ZNF154: variants seen among roughly 807,000 people sequenced by gnomAD.
The protein encoded by ZNF154 is zinc finger protein 154 (pHZ-92).
ZNF154 carries 6 observed loss-of-function variants against 7.5 expected under a neutral mutation model. The ratio of observed to expected loss-of-function variants is 0.80; its 90% CI spans 0.44 to 1.57. ZNF154 has a LOEUF of 1.57. Among genes scored for constraint, ZNF154 ranks in the 40% most tolerant of loss-of-function variants. ZNF154 has a pLI of 0.01. For missense variants in ZNF154, 485 were observed against 531.4 expected (o/e 0.91, Z 0.86); for synonymous variants, 187 against 185.9 (o/e 1.01, Z -0.05).
rs915436544 is a variant in ZNF154, at chr19:57,696,648, T to C, written c.*4987A>G. 1.3e-5 allele frequency among the ~76,000 whole-genome samples: 2 copies of C among 152,062 alleles called. No homozygotes were observed. Among genetic ancestry groups the C allele is most frequent in the African/African-American group, 2.4e-5 (1 of 41,408 alleles). On this transcript the variant is annotated 3_prime_UTR_variant, in exon 3 of 3. Coordinates refer to ENST00000684351, the MANE Select transcript of ZNF154 (RefSeq NM_001085384.3). ...TAACTTGCAGGGGGAGGCCAGAGCA[T>C]GAAGGCAGAGGGAGGTTTTGGGTGC...
chr19:57,702,871 G>C, intron 2 of ZNF154, 83 bp from the exon 3 acceptor site: 1 of 1,353,438 alleles, frequency 7.4e-7, no homozygotes, highest in South Asian at 1.4e-5. Flanking sequence ...GCCCAGCCAA[G>C]AGCAAAATGT....
intron 2 of ZNF154, among the ~76,000 whole-genome samples, chr19:57,703,634 C>T (rs552758958): frequency 2.0e-5 from 3 of 152,056 alleles, no homozygotes; most frequent in African/African-American, 7.2e-5. Flanking sequence ...CTGCTGGCGA[C>T]ACATGAGTGC....
At position 57,701,532 on chromosome 19, in the gene ZNF154, A is replaced by T; in HGVS notation, c.*103T>A. The T allele has an allele frequency of 7.9e-7, 1 of 1,270,262 alleles. No homozygotes were observed. The highest frequency in any genetic ancestry group is 2.8e-4 in the Middle Eastern group (1 of 3,618). The allele number at this position is 1,270,262 out of a possible 1,614,324, so 78.7% of individuals were successfully genotyped here. On this transcript the variant is annotated 3_prime_UTR_variant, in exon 3 of 3. Coordinates refer to ENST00000684351, the MANE Select transcript of ZNF154 (RefSeq NM_001085384.3). ...TCCCTTGTGAACTGTGTGGCACTCA[A>T]TGAGATATGGCCTTCAGCTGAAGCT... is the stretch of plus-strand genomic sequence containing the variant.
In ZNF154 at chr19:57,701,917, G is replaced by A. The variant is rs1416386027; in HGVS notation, c.1032C>T (p.Leu344=). The A allele has an allele frequency of 6.2e-7, 1 of 1,613,538 alleles. No individual in the cohort carries two copies. Among genetic ancestry groups the A allele is most frequent in the Admixed American group, 1.7e-5 (1 of 59,960 alleles). ...CGKSFSQRSA[L]LQHRGVHTGE... ...CAGTGTGAACTCCCCGATGTTGAAG[G>A]AGTGCAGACCTTTGGCTAAAGGATT... The change falls in exon 3 of 3, where the codon CTC becomes CTT. Residue 344 remains leucine, a synonymous_variant. Coordinates refer to ENST00000684351, the MANE Select transcript of ZNF154 (RefSeq NM_001085384.3).
At chr19:57,706,887 G>A (rs879696353) in intron 1 of ZNF154, among the ~76,000 whole-genome samples, 4 of 152,178 alleles carry the variant, frequency 2.6e-5, no homozygotes, top group African/African-American at 2.4e-5. Context: ...TGAGGCGGGT[G>A]GATCACCTGA....
Position 57,702,386 on chromosome 19 carries a change from G to A in ZNF154, c.563C>T (p.Pro188Leu), listed in dbSNP as rs1420403434. 3 of 1,612,826 alleles carry A rather than the reference G, an allele frequency of 1.9e-6. No homozygotes were observed. Among genetic ancestry groups the A allele is most frequent in the African/African-American group, 1.3e-5 (1 of 75,010 alleles). ...DHWRLHTGEKPYECRECGKSF... is the reference protein window; with the variant it reads ...DHWRLHTGEKLYECRECGKSF... The stretch of plus-strand genomic sequence containing the variant: ...CTTCCCACACTCTCGACATTCATAA[G>A]GCTTTTCTCCAGTGTGAAGTCTCCA... Residue 188 changes from proline to leucine, a missense_variant, in exon 3 of 3, where the codon CCT becomes CTT. Coordinates refer to ENST00000684351, the MANE Select transcript of ZNF154 (RefSeq NM_001085384.3).
rs1321100252 is a variant in ZNF154 at position 57,701,943 on chromosome 19, T to C, written c.1006A>G (p.Lys336Glu). The change falls in exon 3 of 3, where the codon AAA (lysine) becomes GAA (glutamate). Residue 336 changes from lysine (K) to glutamate (E), a missense_variant. By Grantham distance (56) the Lys-to-Glu change is moderately conservative (BLOSUM62 1). Transcript: ENST00000684351. ...AGTGCAGACCTTTGGCTAAAGGATT[T>C]CCCACATTCGCTGCACTTATAAGGC... is the stretch of plus-strand genomic sequence containing the variant. ...ERPYKCSECGKSFSQRSALLQ... is the reference protein window; with the variant it reads ...ERPYKCSECGESFSQRSALLQ... 5 of 1,612,912 alleles carry C rather than the reference T, an allele frequency of 3.1e-6. No homozygotes were observed. The African/African-American group carries it at 6.7e-5, about 22-fold the overall frequency.
chr19:57,707,850 A>G (rs1985452676), intron 1 of ZNF154, among the ~76,000 whole-genome samples: 1 of 152,172 alleles, frequency 6.6e-6, no homozygotes, highest in Non-Finnish European at 1.5e-5. Context: ...ACCTCAGTAT[A>G]ACCCCTGTAA....
intron 2 of ZNF154, among the ~76,000 whole-genome samples, chr19:57,703,088 C>T (rs2122395336): frequency 6.6e-6 from 1 of 152,276 alleles, no homozygotes; most frequent in East Asian, 1.9e-4. Context: ...AGCCCTTATA[C>T]AAGTGTGTGT....
At position 57,698,448 on chromosome 19, in the gene ZNF154, T is replaced by C; in HGVS notation, c.*3187A>G. On this transcript the variant is annotated 3_prime_UTR_variant, in exon 3 of 3. Coordinates refer to ENST00000684351, the MANE Select transcript of ZNF154 (RefSeq NM_001085384.3). ...ATCAGTATGGTAGAAACAGAATATA[T>C]TAGGATGCTATCAGCAACTCTTCCC... is the stretch of plus-strand genomic sequence containing the variant. 6.6e-6 allele frequency: 1 copy of C among 152,180 alleles called. No individual in the cohort carries two copies. The highest frequency in any genetic ancestry group is 1.9e-4 in the East Asian group (1 of 5,198). 9.4% of individuals were successfully genotyped at this position (152,180 alleles called of 1,614,324 possible). A position where few individuals can be genotyped will look rare whatever the true frequency, so the allele number is the denominator to read the frequency against.
chr19:57,702,728 G>C lies in ZNF154; in HGVS notation c.221C>G (p.Ala74Gly), dbSNP rs767078067. The C allele has an allele frequency of 6.2e-7, 1 of 1,608,416 alleles. No homozygotes were observed. Among genetic ancestry groups the C allele is most frequent in the Non-Finnish European group, 8.5e-7 (1 of 1,175,466 alleles). The change falls in exon 3 of 3, where the codon GCC (alanine) becomes GGC (glycine). Residue 74 changes from alanine (A) to glycine (G), a missense_variant. Ala to Gly is a moderately conservative substitution (Grantham distance 60, BLOSUM62 0). Transcript: ENST00000684351. ...GAATGTGCAGGTCTTCACAAACAAG[G>C]CTCTGCCCACATTGCTTCTGAAATG... The part of the protein sequence containing the change: ...EKHFRSNVGR[A>G]LFVKTCTFHV...
At position 57,701,706 on chromosome 19, in the gene ZNF154, A is replaced by T; in HGVS notation, c.1243T>A (p.Cys415Ser). The change falls in exon 3 of 3, where the codon TGC becomes AGC. Residue 415 changes from cysteine (C) to serine (S), a missense_variant. Coordinates refer to ENST00000684351, the MANE Select transcript of ZNF154 (RefSeq NM_001085384.3). ...RVHTGEKPYECTECGKSFSHN... is the reference protein window; with the variant it reads ...RVHTGEKPYESTECGKSFSHN... ...CTAAAGGATTTCCCACATTCCGTGC[A>T]CTCATAAGGCTTCTCCCCAGTGTGA... 1 of 1,614,144 alleles carries T rather than the reference A, an allele frequency of 6.2e-7. No individual in the cohort carries two copies.
At position 57,701,433 on chromosome 19, in the gene ZNF154, G is replaced by C; in HGVS notation, c.*202C>G. The C allele has an allele frequency of 1.6e-6, 1 of 610,714 alleles. No individual in the cohort carries two copies. Among genetic ancestry groups the C allele is most frequent in the East Asian group, 2.8e-5 (1 of 35,882 alleles). The allele number at this position is 610,714 out of a possible 1,614,324, so 37.8% of individuals were successfully genotyped here. On this transcript the variant is annotated 3_prime_UTR_variant, in exon 3 of 3. Coordinates refer to ENST00000684351, the MANE Select transcript of ZNF154 (RefSeq NM_001085384.3). ...AGATATAGGATGTTCAATTCAGGCT[G>C]ATGCCACCCTCATAAGGGATCTCCT...
In ZNF154 at chr19:57,698,486, A is replaced by G. The variant is rs1020328899; in HGVS notation, c.*3149T>C. On this transcript the variant is annotated 3_prime_UTR_variant, in exon 3 of 3. Transcript: ENST00000684351. ...AGCAACTCTTCCCAATTCTACATTC[A>G]GTAACATGTTGGCAGTTTCAAAATT... 1.4e-4 allele frequency: 21 copies of G among 152,208 alleles called. No homozygotes were observed. The highest frequency in any genetic ancestry group is 2.4e-4 in the Non-Finnish European group (16 of 68,040). The allele number at this position is 152,208 out of a possible 1,614,324, so 9.4% of individuals were successfully genotyped here. A position where few individuals can be genotyped will look rare whatever the true frequency, so the allele number is the denominator to read the frequency against.
Position 57,704,848 on chromosome 19 carries a change from CT to C in ZNF154, c.160+4del, listed in dbSNP as rs1985319555. ...AGGGCACAGGAAAGGGTAAAAGAACCTTACCTAGAGAGGTTAAAAGAGCCAA... is the reference window on the plus strand; with the variant it reads ...AGGGCACAGGAAAGGGTAAAAGAACCTACCTAGAGAGGTTAAAAGAGCCAA... On this transcript the variant is annotated splice_donor_region_variant and intron_variant, in intron 2 of 2. Coordinates refer to ENST00000684351, the MANE Select transcript of ZNF154 (RefSeq NM_001085384.3). The C allele has an allele frequency of 6.2e-7, 1 of 1,609,168 alleles. No individual in the cohort carries two copies. Among genetic ancestry groups the C allele is most frequent in the Non-Finnish European group, 8.5e-7 (1 of 1,178,582 alleles).
rs1985519015 is a variant in ZNF154 at position 57,709,009 on chromosome 19, C to T, written c.-38G>A. 1 of 1,552,714 alleles carries T rather than the reference C, an allele frequency of 6.4e-7. No homozygotes were observed. The highest frequency in any genetic ancestry group is 8.7e-7 in the Non-Finnish European group (1 of 1,148,602). ...GTAGAGCTGGGCCGGGAGCGACGGG[C>T]GACATTGGTAGGGACCCGGGGACAG... On this transcript the variant is annotated 5_prime_UTR_variant, in exon 1 of 3. Coordinates refer to ENST00000684351, the MANE Select transcript of ZNF154 (RefSeq NM_001085384.3).
At position 57,701,729 on chromosome 19, in the gene ZNF154, T is replaced by A. The variant is rs1366342463; in HGVS notation, c.1220A>T (p.His407Leu). The change falls in exon 3 of 3, where the codon CAC (histidine) becomes CTC (leucine). Residue 407 changes from histidine to leucine, a missense_variant. Coordinates refer to ENST00000684351, the MANE Select transcript of ZNF154 (RefSeq NM_001085384.3). ...GCACTCATAAGGCTTCTCCCCAGTGTGAACCCTCCTGTGCTTAATGAGGCC... is the reference window on the plus strand; with the variant it reads ...GCACTCATAAGGCTTCTCCCCAGTGAGAACCCTCCTGTGCTTAATGAGGCC... ...NSGLIKHRRV[H>L]TGEKPYECTE... 1 of 1,614,050 alleles carries A rather than the reference T, an allele frequency of 6.2e-7. No homozygotes were observed. The highest frequency in any genetic ancestry group is 8.5e-7 in the Non-Finnish European group (1 of 1,180,000).
chr19:57,700,719 T>C lies in ZNF154; in HGVS notation c.*916A>G, dbSNP rs1411816969. ...TAACTGCTGCCTCCTCAGGCTGACC[T>C]CTATGGCATCCAGGATATAAATTAG... is the stretch of plus-strand genomic sequence containing the variant. On this transcript the variant is annotated 3_prime_UTR_variant, in exon 3 of 3. Transcript: ENST00000684351. 1 of 152,238 alleles carries C rather than the reference T, an allele frequency of 6.6e-6. No homozygotes were observed. The highest frequency in any genetic ancestry group is 1.5e-5 in the Non-Finnish European group (1 of 68,030). 9.4% of individuals were successfully genotyped at this position (152,238 alleles called of 1,614,324 possible).
At chr19:57,703,142 G>A (rs980804053) in intron 2 of ZNF154, among the ~76,000 whole-genome samples, 2 of 152,192 alleles carry the variant, frequency 1.3e-5, no homozygotes, top group Non-Finnish European at 2.9e-5. Context: ...TTGCATGACA[G>A]TAGAGTTGGG....
Sources: gnomAD v4.1 joint callset for allele counts (sites outside exome capture counted in the v4.1 genomes callset) on GRCh38, gnomAD v4.1.1 for gene constraint, MANE v1.5 for transcripts, NCBI Gene and HGNC (gene_info 2026-07-23, HGNC 2026-07-21) for gene names.